The following OAT variants were observed in gnomAD, a reference collection of about 807,000 sequenced individuals.
OAT encodes ornithine aminotransferase.
In OAT, 35 loss-of-function variants were observed where a neutral mutation model predicts 48.4. The ratio of observed to expected loss-of-function variants is 0.72; its 90% confidence interval spans 0.55 to 0.96. The LOEUF (loss-of-function observed/expected upper bound fraction) is 0.96. OAT is among the 40% of genes least tolerant of loss of function. OAT has a pLI of 0.00. For missense variants in OAT, 438 were observed against 537.9 expected (o/e 0.81, Z 1.84); for synonymous variants, 182 against 198.4 (o/e 0.92, Z 0.70).
At chr10:124,414,023 C>T (rs1951840485) in intron 1 of OAT, 1 of 132,314 alleles carries the variant, frequency 7.6e-6, no homozygotes, top group South Asian at 2.7e-4. Flanking sequence ...TAGGAATCAC[C>T]TCTGGAAGGA....
At chr10:124,401,691 A>C (rs1951412840) in intron 8 of OAT, 35 bp downstream of exon 8, 1 of 1,386,514 alleles carries the variant, frequency 7.2e-7, no homozygotes, top group African/African-American at 1.4e-5. Context: ...CATTGCTTTA[A>C]AGAATAGACA....
intron 6 of OAT, chr10:124,403,373 T>C: frequency 2.2e-6 from 1 of 454,348 alleles, no homozygotes; most frequent in Non-Finnish European, 4.0e-6. Context: ...TGGGAACAAA[T>C]TAATTCATTT....
intron 4 of OAT, among the ~76,000 whole-genome samples, chr10:124,406,445 C>T (rs1050355194): frequency 2.0e-5 from 3 of 151,928 alleles, no homozygotes; most frequent in East Asian, 1.9e-4. Context: ...GAGCTGAGAT[C>T]GCACCACTGC....
At chr10:124,417,277 T>A in intron 1 of OAT, among the ~76,000 whole-genome samples, 1 of 144,358 alleles carries the variant, frequency 6.9e-6, no homozygotes, top group South Asian at 2.3e-4. Context: ...AACCCAAAAC[T>A]ATAAGCTTTT....
At chr10:124,416,187 A>G (rs997873380) in intron 1 of OAT, among the ~76,000 whole-genome samples, 9 of 152,158 alleles carry the variant, frequency 5.9e-5, no homozygotes, top group African/African-American at 1.2e-4. Flanking sequence ...TTTTATGCCT[A>G]TAAGTCTATA....
chr10:124,409,037 C>CTA, intron 2 of OAT, 72 bp from the exon 3 acceptor site: 1 of 1,103,894 alleles, frequency 9.1e-7, no homozygotes, highest in Non-Finnish European at 1.4e-6. Flanking sequence ...ATTAAGAGTG[C>CTA]TAGCAAGCCC....
At chr10:124,418,561 C>T (rs1266343496) in intron 1 of OAT, among the ~76,000 whole-genome samples, 1 of 152,186 alleles carries the variant, frequency 6.6e-6, no homozygotes, top group Non-Finnish European at 1.5e-5. Flanking sequence ...CCTCTCCCTG[C>T]CGCCCGCCCG....
intron 2 of OAT, among the ~76,000 whole-genome samples, chr10:124,410,226 G>C (rs148790520): frequency 2.0e-5 from 3 of 152,318 alleles, no homozygotes; most frequent in Admixed American, 6.5e-5. Flanking sequence ...AGAATCATTA[G>C]TGGATGCTGA....
At chr10:124,405,667 A>G (rs1951555347) in intron 4 of OAT, 104 bp from the exon 5 acceptor site, 14 of 1,557,568 alleles carry the variant, frequency 9.0e-6, no homozygotes, top group Non-Finnish European at 1.2e-5. Context: ...AAATAAATCA[A>G]GGGCTTGCTT....
At chr10:124,418,563 G>C (rs1477104800) in intron 1 of OAT, among the ~76,000 whole-genome samples, 1 of 152,144 alleles carries the variant, frequency 6.6e-6, no homozygotes, top group Non-Finnish European at 1.5e-5. Context: ...TCTCCCTGCC[G>C]CCCGCCCGTC....
chr10:124,408,983 G>A lies in OAT; in HGVS notation c.200-18C>T. The A allele has an allele frequency of 6.3e-7, 1 of 1,591,752 alleles. No individual in the cohort carries two copies. Among genetic ancestry groups the A allele is most frequent in the Non-Finnish European group, 8.6e-7 (1 of 1,160,670 alleles). On this transcript the variant is annotated intron_variant, in intron 2 of 9. Coordinates refer to ENST00000368845, the MANE Select transcript of OAT (RefSeq NM_000274.4). ...GTAAATACCTAAAATACATAAGAAA[G>A]GAAAATAATTTTAGACAATTACTAT...
chr10:124,400,263 C>T (rs1245311373), intron 9 of OAT, among the ~76,000 whole-genome samples: 2 of 151,954 alleles, frequency 1.3e-5, no homozygotes, highest in Admixed American at 6.6e-5. Context: ...CCCTGGCCAA[C>T]ATGGTGAAAC....
chr10:124,409,530 A>C (rs1331751112), intron 2 of OAT, among the ~76,000 whole-genome samples: 1 of 151,108 alleles, frequency 6.6e-6, no homozygotes, highest in Non-Finnish European at 1.5e-5. Context: ...CAGCCTGGGC[A>C]CCAGAGCAAA....
chr10:124,404,963 G>A (rs1178922988), intron 5 of OAT, among the ~76,000 whole-genome samples: 2 of 152,200 alleles, frequency 1.3e-5, no homozygotes, highest in African/African-American at 4.8e-5. Flanking sequence ...AGGATCACTT[G>A]AACCCAGGAA....
rs139847135 is a variant in OAT, at chr10:124,405,690, G to A, written c.521-127C>T. On this transcript the variant is annotated intron_variant, in intron 4 of 9. Coordinates refer to ENST00000368845, the MANE Select transcript of OAT (RefSeq NM_000274.4). The stretch of plus-strand genomic sequence containing the variant: ...CAAGGGCTTGCTTTAGTGCACCTTC[G>A]GTGGGCTTTCAATTGTTAAAACAAA... 5.2e-3 allele frequency: 7,997 copies of A among 1,525,534 alleles called. 21 individuals are homozygous for A. The highest frequency in any genetic ancestry group is 6.5e-3 in the Non-Finnish European group (7,369 of 1,133,374). The allele number at this position is 1,525,534 out of a possible 1,614,324, so 94.5% of individuals were successfully genotyped here.
Position 124,398,051 on chromosome 10 carries a change from G to A in OAT, c.1211C>T (p.Ala404Val), listed in dbSNP as rs1427698101. 6.2e-7 allele frequency: 1 copy of A among 1,614,074 alleles called. No individual in the cohort carries two copies. The highest frequency in any genetic ancestry group is 2.2e-5 in the East Asian group (1 of 44,888). The part of the protein sequence containing the change: ...CLRLRDNGLL[A>V]KPTHGDIIRF... ...GATAATGTCGCCATGGGTTGGCTTG[G>A]CCAGAAGTCCATTATCTCGAAGTCG... Residue 404 changes from alanine to valine, a missense_variant, in exon 10 of 10, where the codon GCC becomes GTC. Transcript: ENST00000368845.
intron 7 of OAT, among the ~76,000 whole-genome samples, chr10:124,402,464 T>A (rs1379119366): frequency 1.3e-5 from 2 of 152,220 alleles, no homozygotes; most frequent in Non-Finnish European, 2.9e-5. Flanking sequence ...TAGCAAAAGT[T>A]TTGTCTATTC....
chr10:124,407,450 T>G (rs868149182), intron 4 of OAT: 1 of 985,294 alleles, frequency 1.0e-6, no homozygotes, highest in African/African-American at 1.7e-5. Flanking sequence ...AACACCATTT[T>G]TGTTTGCAAG....
Position 124,400,875 on chromosome 10 carries a change from C to T in OAT, c.1124G>A (p.Gly375Glu). The T allele has an allele frequency of 1.2e-6, 2 of 1,605,058 alleles. No homozygotes were observed. The highest frequency in any genetic ancestry group is 1.7e-6 in the Non-Finnish European group (2 of 1,173,672). ...SDVVTAVRGK[G>E]LLNAIVIKET... The stretch of plus-strand genomic sequence containing the variant: ...TTTAATGACAATAGCGTTTAATAAT[C>T]CTTTTCCTCTTACGGCAGTTACAAC... The change falls in exon 9 of 10, where the codon GGA (glycine) becomes GAA (glutamate). Residue 375 changes from glycine to glutamate, a missense_variant. Transcript: ENST00000368845.
Sources: gnomAD v4.1 joint callset for allele counts (sites outside exome capture counted in the v4.1 genomes callset) on GRCh38, gnomAD v4.1.1 for gene constraint, MANE v1.5 for transcripts, NCBI Gene and HGNC (gene_info 2026-07-23, HGNC 2026-07-21) for gene names.